The following JAZF1 variants were observed in gnomAD, a reference collection of about 807,000 sequenced individuals.
JAZF1 encodes JAZF zinc finger 1, also known as juxtaposed with another zinc finger protein 1.
A neutral mutation model predicts 26.4 loss-of-function variants in JAZF1; 8 were observed. That is an observed-to-expected ratio of 0.30 (90% CI 0.18 to 0.55). JAZF1 has a LOEUF of 0.55. Ranked by LOEUF, JAZF1 falls within the 20% of genes least tolerant of loss-of-function variation. The probability of loss-of-function intolerance (pLI) is 0.94; values close to 1 mark genes in which losing one functional copy is unlikely to be tolerated. For missense variants in JAZF1, 199 were observed against 322.0 expected, an observed-to-expected ratio of 0.62 and a Z score of 2.92; for synonymous variants, 126 against 122.3, an observed-to-expected ratio of 1.03 and a Z score of -0.20.
intron 3 of JAZF1, among the ~76,000 whole-genome samples, chr7:27,890,485 A>AGT (rs1427554521): frequency 1.3e-5 from 2 of 152,236 alleles, no homozygotes; most frequent in African/African-American, 4.8e-5. Context: ...GTTCACACAC[A>AGT]GTGTGGATGG....
intron 2 of JAZF1, among the ~76,000 whole-genome samples, chr7:27,924,144 T>G (rs746990923): frequency 2.6e-5 from 4 of 152,200 alleles, no homozygotes; most frequent in Admixed American, 1.3e-4. Flanking sequence ...AGTGGCGCCA[T>G]CTCGGCTCAC....
chr7:27,948,235 T>C (rs1784948637), intron 2 of JAZF1, among the ~76,000 whole-genome samples: 1 of 152,074 alleles, frequency 6.6e-6, no homozygotes, highest in Non-Finnish European at 1.5e-5. Context: ...CAGGGGTGTT[T>C]ACATCTGTGC....
At chr7:27,898,159 G>A (rs1021614557) in intron 2 of JAZF1, among the ~76,000 whole-genome samples, 4 of 152,016 alleles carry the variant, frequency 2.6e-5, no homozygotes, top group African/African-American at 2.4e-5. Flanking sequence ...CACGTGCCTC[G>A]TGTAGAGCAG....
chr7:28,135,228 T>A (rs1211212581), intron 1 of JAZF1, among the ~76,000 whole-genome samples: 2 of 152,202 alleles, frequency 1.3e-5, no homozygotes, highest in Non-Finnish European at 2.9e-5. Context: ...ACAGTTCTAT[T>A]CCCAAAGTCT....
At chr7:27,971,063 G>A (rs116974921) in intron 2 of JAZF1, among the ~76,000 whole-genome samples, 2,743 of 152,300 alleles carry the variant, frequency 0.018, 49 homozygotes, top group Non-Finnish European at 0.028. Flanking sequence ...GCCAGTATGC[G>A]TTGAAAACAA....
intron 1 of JAZF1, among the ~76,000 whole-genome samples, chr7:28,108,133 C>T (rs1784583657): frequency 6.6e-6 from 1 of 152,208 alleles, no homozygotes; most frequent in Non-Finnish European, 1.5e-5. Context: ...GTTCTCTGCA[C>T]TATCTTTATT....
intron 1 of JAZF1, among the ~76,000 whole-genome samples, chr7:28,015,235 T>C (rs1583509968): frequency 1.3e-5 from 2 of 152,220 alleles, no homozygotes; most frequent in Middle Eastern, 6.8e-3. Context: ...ATCATTCCAT[T>C]TTAAACATTA....
rs545648535 is a variant in JAZF1, at chr7:28,121,770, T to C, written c.115+58693A>G. 1.3e-4 allele frequency among the ~76,000 whole-genome samples: 20 copies of C among 152,374 alleles called. No individual in the cohort carries two copies. The South Asian group carries it at 2.9e-3, about 22-fold the overall frequency. On this transcript the variant is annotated intron_variant, in intron 1 of 4. Transcript: ENST00000283928. ...AATTGGGCATAGATTCTGAAGTCCATGTTGACCAAGTTAGACACCCTTCAG... is the reference window on the plus strand; with the variant it reads ...AATTGGGCATAGATTCTGAAGTCCACGTTGACCAAGTTAGACACCCTTCAG...
At chr7:28,127,137 T>C (rs1782709067) in intron 1 of JAZF1, among the ~76,000 whole-genome samples, 1 of 152,320 alleles carries the variant, frequency 6.6e-6, no homozygotes, top group Admixed American at 6.5e-5. Context: ...GACAGCTGCA[T>C]ACTAGGCGAA....
rs553303663 is a variant in JAZF1 at position 27,911,341 on chromosome 7, A to AT, written c.189-15926dup. On this transcript the variant is annotated intron_variant, in intron 2 of 4. Coordinates refer to ENST00000283928, the MANE Select transcript of JAZF1 (RefSeq NM_175061.4). ...ATCATTATTACCTTATTTAATCCTC[A>AT]TAACAGCTTGCAAGGGGTTATCAGT... Among the ~76,000 whole-genome samples the AT allele has an allele frequency of 1.7e-3, 265 of 152,318 alleles. 1 individual carries two copies. Among genetic ancestry groups the AT allele is most frequent in the Middle Eastern group, 0.014 (4 of 294 alleles).
chr7:27,981,838 T>A (rs1000335366), intron 2 of JAZF1, among the ~76,000 whole-genome samples: 1 of 152,218 alleles, frequency 6.6e-6, no homozygotes, highest in Non-Finnish European at 1.5e-5. Flanking sequence ...TTCCAGCACA[T>A]CCTACTGACA....
intron 2 of JAZF1, among the ~76,000 whole-genome samples, chr7:27,938,725 G>A (rs1348548751): frequency 2.0e-5 from 3 of 151,960 alleles, no homozygotes. Context: ...AGGCTGGAGT[G>A]CAGTGGCATG....
chr7:27,949,407 T>C (rs1784973292), intron 2 of JAZF1, among the ~76,000 whole-genome samples: 1 of 152,218 alleles, frequency 6.6e-6, no homozygotes, highest in Non-Finnish European at 1.5e-5. Context: ...AGAGTGCATG[T>C]GTAGTTCCAG....
chr7:28,119,017 A>G (rs1017984289), intron 1 of JAZF1, among the ~76,000 whole-genome samples: 1 of 152,256 alleles, frequency 6.6e-6, no homozygotes, highest in Non-Finnish European at 1.5e-5. Flanking sequence ...CTCCCTAGAC[A>G]TGAACAAAGT....
chr7:28,160,627 T>C (rs1172275179), intron 1 of JAZF1, among the ~76,000 whole-genome samples: 1 of 152,174 alleles, frequency 6.6e-6, no homozygotes, highest in Non-Finnish European at 1.5e-5. Context: ...AGGCCATTCC[T>C]TGCATACCAA....
chr7:27,939,685 A>G (rs1784813953), intron 2 of JAZF1, among the ~76,000 whole-genome samples: 10 of 152,366 alleles, frequency 6.6e-5, no homozygotes, highest in Admixed American at 5.9e-4. Context: ...GTAAGGCCAC[A>G]AGCCAAATGC....
chr7:28,164,366 T>C (rs1044201225), intron 1 of JAZF1, among the ~76,000 whole-genome samples: 9 of 152,232 alleles, frequency 5.9e-5, no homozygotes, highest in African/African-American at 2.2e-4. Flanking sequence ...AATATATGTA[T>C]CTTGGCATAT....
At chr7:28,079,125 G>A (rs1308170354) in intron 1 of JAZF1, among the ~76,000 whole-genome samples, 2 of 152,006 alleles carry the variant, frequency 1.3e-5, no homozygotes, top group Non-Finnish European at 2.9e-5. Context: ...AAGTAGCTGG[G>A]ATTACAGGTG....
At chr7:27,946,327 G>A (rs1237177806) in intron 2 of JAZF1, among the ~76,000 whole-genome samples, 2 of 152,170 alleles carry the variant, frequency 1.3e-5, no homozygotes, top group Admixed American at 1.3e-4. Flanking sequence ...ACCAAATAAA[G>A]ATATGTAATT....
Sources: allele counts gnomAD v4.1 joint callset (sites outside exome capture counted in the v4.1 genomes callset), GRCh38; gene constraint gnomAD v4.1.1; transcripts MANE v1.5; gene names NCBI Gene and HGNC (gene_info 2026-07-23, HGNC 2026-07-21).